DZIP1L: variants seen among roughly 807,000 people sequenced by gnomAD.
DZIP1L encodes the protein cilium assembly protein DZIP1L.
A neutral mutation model predicts 88.7 loss-of-function variants in DZIP1L; 90 were observed. The observed-to-expected ratio is 1.02, with a 90% CI of 0.86 to 1.21. DZIP1L has a LOEUF of 1.21. Among genes scored for constraint, DZIP1L ranks in the 50% most tolerant of loss-of-function variants. DZIP1L has a pLI of 0.00. For synonymous variants in DZIP1L, 363 were observed against 372.1 expected (o/e 0.98, Z 0.28); for missense variants, 932 against 955.8 (o/e 0.98, Z 0.33).
chr3:138,113,777 A>C (rs2042652705), intron 1 of DZIP1L, among the ~76,000 whole-genome samples: 1 of 152,186 alleles, frequency 6.6e-6, no homozygotes, highest in African/African-American at 2.4e-5. Context: ...TCAAGCAGCG[A>C]GACAAAGGTC....
rs764752654 is a variant in DZIP1L at position 138,062,896 on chromosome 3, G to A, written c.2224C>T (p.Pro742Ser). ...LDLDQREKPK[P>S]LSRSKLPEKF... Reference sequence around the variant, plus strand: ...TCTGGGAGCTTTGAGCGAGACAAGGGCTTGGGTTTCTCTCTCTGGTCCAGG... The same window carrying A: ...TCTGGGAGCTTTGAGCGAGACAAGGACTTGGGTTTCTCTCTCTGGTCCAGG... Residue 742 changes from proline to serine, a missense_variant, in exon 16 of 16, where the codon CCC becomes TCC. Coordinates refer to ENST00000327532, the MANE Select transcript of DZIP1L (RefSeq NM_173543.3). 4 of 1,614,190 alleles carry A rather than the reference G, an allele frequency of 2.5e-6. No homozygotes were observed. The Admixed American group carries it at 5.0e-5, about 20-fold the overall frequency.
chr3:138,106,355 G>A (rs1433478378), intron 1 of DZIP1L, among the ~76,000 whole-genome samples: 9 of 149,820 alleles, frequency 6.0e-5, no homozygotes, highest in Non-Finnish European at 1.0e-4. Flanking sequence ...GGCCACACTG[G>A]TCTCAAACTC....
intron 1 of DZIP1L, among the ~76,000 whole-genome samples, chr3:138,112,860 T>C (rs1402223546): frequency 6.6e-6 from 1 of 152,030 alleles, no homozygotes; most frequent in Non-Finnish European, 1.5e-5. Flanking sequence ...GGCAGGAGAA[T>C]CACTTCAACC....
At chr3:138,113,897 C>T (rs1199967734) in intron 1 of DZIP1L, among the ~76,000 whole-genome samples, 1 of 152,158 alleles carries the variant, frequency 6.6e-6, no homozygotes, top group Non-Finnish European at 1.5e-5. Context: ...TAAGTTTTTG[C>T]CACAAACGGA....
intron 2 of DZIP1L, chr3:138,102,473 G>A (rs1576497457): frequency 5.6e-6 from 8 of 1,421,976 alleles, no homozygotes; most frequent in Non-Finnish European, 7.9e-6. Flanking sequence ...TCCAGCTGCT[G>A]CCTAAGGTTG....
At chr3:138,085,991 G>T (rs1943913720) in intron 7 of DZIP1L, among the ~76,000 whole-genome samples, 1 of 151,936 alleles carries the variant, frequency 6.6e-6, no homozygotes. Context: ...ATCATTCTCA[G>T]TAAACTATCA....
intron 1 of DZIP1L, among the ~76,000 whole-genome samples, chr3:138,107,247 C>T (rs1268053447): frequency 2.0e-5 from 3 of 152,176 alleles, no homozygotes; most frequent in African/African-American, 4.8e-5. Context: ...GATTAAGTCA[C>T]GAAGACTCTG....
chr3:138,081,108 G>T (rs139035237), intron 9 of DZIP1L, among the ~76,000 whole-genome samples: 1 of 152,322 alleles, frequency 6.6e-6, no homozygotes, highest in African/African-American at 2.4e-5. Context: ...ATGTGAGTTT[G>T]CAAGAAAAGG....
chr3:138,069,217 C>T, intron 12 of DZIP1L: 6 of 603,326 alleles, frequency 9.9e-6, no homozygotes, highest in Non-Finnish European at 1.8e-5. Flanking sequence ...ATCCACTTCC[C>T]CTTAATGAAT....
In DZIP1L at chr3:138,094,848, C is replaced by G. The variant is rs758512346; in HGVS notation, c.708+14G>C. 3 of 1,614,052 alleles carry G rather than the reference C, an allele frequency of 1.9e-6. No individual in the cohort carries two copies. The highest frequency in any genetic ancestry group is 2.5e-6 in the Non-Finnish European group (3 of 1,179,960). ...ATGACCCAAGTCTCCCTGATGTTTT[C>G]TCTCCCTGCCCACCTGGAGCTGCCG... On this transcript the variant is annotated intron_variant, in intron 4 of 15. Coordinates refer to ENST00000327532, the MANE Select transcript of DZIP1L (RefSeq NM_173543.3).
chr3:138,097,745 G>C lies in DZIP1L; in HGVS notation c.586+18C>G. 6.2e-7 allele frequency: 1 copy of C among 1,602,384 alleles called. No homozygotes were observed. Among genetic ancestry groups the C allele is most frequent in the Non-Finnish European group, 8.5e-7 (1 of 1,174,208 alleles). ...TTCCACAGTCCCAGAAGGGGCCCGG[G>C]CTGCTGTCTGGACTCACCACCTTCT... On this transcript the variant is annotated intron_variant, in intron 3 of 15. Coordinates refer to ENST00000327532, the MANE Select transcript of DZIP1L (RefSeq NM_173543.3).
Position 138,081,777 on chromosome 3 carries a change from G to A in DZIP1L, c.1204-13C>T. The A allele has an allele frequency of 2.5e-6, 4 of 1,612,920 alleles. No individual in the cohort carries two copies. The highest frequency in any genetic ancestry group is 3.4e-6 in the Non-Finnish European group (4 of 1,179,360). On this transcript the variant is annotated splice_polypyrimidine_tract_variant and intron_variant, in intron 8 of 15. Transcript: ENST00000327532. Reference sequence around the variant, plus strand: ...ACAAGGACTGGATCTGCAAAGAGGTGGAATAGAGCGGGTTACAACCAGCAG... The same window carrying A: ...ACAAGGACTGGATCTGCAAAGAGGTAGAATAGAGCGGGTTACAACCAGCAG...
rs534554497 is a variant in DZIP1L, at chr3:138,087,450, A to G, written c.1000-427T>C. ...TACATAAACATTAATTCTTTGTTATATGGCCAAACCATAATACACAAAATT... is the reference window on the plus strand; with the variant it reads ...TACATAAACATTAATTCTTTGTTATGTGGCCAAACCATAATACACAAAATT... On this transcript the variant is annotated intron_variant, in intron 6 of 15. Coordinates refer to ENST00000327532, the MANE Select transcript of DZIP1L (RefSeq NM_173543.3). Among the ~76,000 whole-genome samples, 5 of 152,384 alleles carry G rather than the reference A, an allele frequency of 3.3e-5. No individual in the cohort carries two copies. In the South Asian group the frequency reaches 1.0e-3, roughly 32 times the overall value.
chr3:138,097,135 T>C (rs1944513735), intron 3 of DZIP1L, among the ~76,000 whole-genome samples: 1 of 149,788 alleles, frequency 6.7e-6, no homozygotes, highest in Admixed American at 6.7e-5. Flanking sequence ...GGAGCCGAGA[T>C]CAAGCCACTG....
In DZIP1L at chr3:138,064,984, C is replaced by T. The variant is rs1398796085; in HGVS notation, c.2003-217G>A. Among the ~76,000 whole-genome samples, 3 of 152,226 alleles carry T rather than the reference C, an allele frequency of 2.0e-5. No homozygotes were observed. The East Asian group carries it at 5.8e-4, about 29-fold the overall frequency. ...GGCATATTCTGAAAATGTGACTGTG[C>T]AAACTTAATGACATGGCTAGTGACA... On this transcript the variant is annotated intron_variant, in intron 14 of 15. Coordinates refer to ENST00000327532, the MANE Select transcript of DZIP1L (RefSeq NM_173543.3).
intron 3 of DZIP1L, among the ~76,000 whole-genome samples, chr3:138,097,324 A>G (rs2107824922): frequency 6.6e-6 from 1 of 152,352 alleles, no homozygotes; most frequent in African/African-American, 2.4e-5. Flanking sequence ...TCAAGTATGT[A>G]GAAAAGTCAA....
Position 138,101,523 on chromosome 3 carries a change from G to A in DZIP1L, c.501+1948C>T, listed in dbSNP as rs368663958. Reference sequence around the variant, plus strand: ...AGGACTCGGACACCAGCTTCCCATCGCAAGTCTCTATCTTCTTCACAACCA... The same window carrying A: ...AGGACTCGGACACCAGCTTCCCATCACAAGTCTCTATCTTCTTCACAACCA... On this transcript the variant is annotated intron_variant, in intron 2 of 15. Transcript: ENST00000327532. 28 of 795,764 alleles carry A rather than the reference G, an allele frequency of 3.5e-5. No homozygotes were observed. In the African/African-American group the frequency reaches 4.2e-4, roughly 12 times the overall value. 49.3% of individuals were successfully genotyped at this position (795,764 alleles called of 1,614,324 possible).
chr3:138,101,843 T>G, intron 2 of DZIP1L: 5 of 1,309,596 alleles, frequency 3.8e-6, no homozygotes, highest in Middle Eastern at 3.9e-4. Flanking sequence ...ATGTCCTGCT[T>G]GGCCCGCTGC....
chr3:138,107,057 G>A (rs1226054110), intron 1 of DZIP1L, among the ~76,000 whole-genome samples: 2 of 152,176 alleles, frequency 1.3e-5, no homozygotes, highest in African/African-American at 4.8e-5. Flanking sequence ...TCTGCAGGGA[G>A]TGTCACCCTC....
Sources: allele counts gnomAD v4.1 joint callset (sites outside exome capture counted in the v4.1 genomes callset), GRCh38; gene constraint gnomAD v4.1.1; transcripts MANE v1.5; gene names NCBI Gene and HGNC (gene_info 2026-07-23, HGNC 2026-07-21).